Variants in DZANK1 observed in about 807,000 individuals in gnomAD.
DZANK1 encodes the protein double zinc ribbon and ankyrin repeat domains 1.
DZANK1 carries 91 observed loss-of-function variants against 94.5 expected under a neutral mutation model. That is an observed-to-expected ratio of 0.96 (90% confidence interval 0.81 to 1.15). The LOEUF is 1.15. Ranked by LOEUF, DZANK1 falls within the 50% of genes most tolerant of loss-of-function variation. The probability of loss-of-function intolerance (pLI) is 0.00; values close to 1 mark genes in which losing one functional copy is unlikely to be tolerated. For synonymous variants in DZANK1, 312 were observed against 325.3 expected, an observed-to-expected ratio of 0.96 and a Z score of 0.44; for missense variants, 903 against 916.4, an observed-to-expected ratio of 0.99 and a Z score of 0.19.
chr20:18,413,104 G>A (rs759432892), intron 12 of DZANK1: 82 of 549,620 alleles, frequency 1.5e-4, no homozygotes, highest in Non-Finnish European at 2.4e-4. Flanking sequence ...CGGCCTGCTT[G>A]ATGCCTGGAA....
At chr20:18,415,479 G>A in intron 10 of DZANK1, 30 bp from the exon 11 acceptor site, 1 of 1,451,064 alleles carries the variant, frequency 6.9e-7, no homozygotes, top group Non-Finnish European at 9.2e-7. Context: ...TTAAAGGCAG[G>A]ATCAGTACTA....
intron 10 of DZANK1, among the ~76,000 whole-genome samples, chr20:18,422,799 C>CTTTTT (rs55683540): frequency 0.26 from 32,403 of 124,318 alleles, 4,935 homozygotes; most frequent in South Asian, 0.36. Context: ...TGGCTTTGTT[C>CTTTTT]TTTTTTTTTT....
At chr20:18,466,261 G>A (rs1194826135) in intron 1 of DZANK1, among the ~76,000 whole-genome samples, 2 of 152,122 alleles carry the variant, frequency 1.3e-5, no homozygotes, top group African/African-American at 4.8e-5. Flanking sequence ...CATTCTCACT[G>A]TATTATTTAG....
At chr20:18,393,653 A>C (rs2056148738) in intron 17 of DZANK1, 58 bp downstream of exon 17, 1 of 1,186,318 alleles carries the variant, frequency 8.4e-7, no homozygotes, top group African/African-American at 1.5e-5. Context: ...GGTCAAAATA[A>C]AACCTGAAAA....
intron 7 of DZANK1, among the ~76,000 whole-genome samples, chr20:18,447,190 A>T (rs1421228666): frequency 6.6e-6 from 1 of 152,272 alleles, no homozygotes; most frequent in East Asian, 1.9e-4. Flanking sequence ...AATTTCCTCA[A>T]CTTGGCTGGG....
At chr20:18,415,448 G>A (rs868749596) in exon 11 of DZANK1, 14 of 1,504,370 alleles carry the variant, frequency 9.3e-6, no homozygotes, top group African/African-American at 1.4e-5. Context: ...ACTGCACATC[G>A]ACTGGTGAAT....
At chr20:18,394,670 G>T (rs1476912576) in intron 15 of DZANK1, 1 of 559,466 alleles carries the variant, frequency 1.8e-6, no homozygotes, top group East Asian at 4.5e-5. Flanking sequence ...GGCTGTCCCA[G>T]TCACCTTTAG....
chr20:18,396,534 T>C, exon 15 of DZANK1: 1 of 1,613,122 alleles, frequency 6.2e-7, no homozygotes, highest in Non-Finnish European at 8.5e-7. Flanking sequence ...TCGTGGACAG[T>C]AGCAGAGATA....
chr20:18,427,155 T>C, exon 10 of DZANK1: 1 of 1,612,260 alleles, frequency 6.2e-7, no homozygotes, highest in Non-Finnish European at 8.5e-7. Flanking sequence ...GCAAATTACC[T>C]TCTCCTTAAC....
rs150342741 is a variant in DZANK1 at position 18,455,428 on chromosome 20, A to C, written c.264-67T>G. The C allele has an allele frequency of 1.9e-3, 2,080 of 1,105,142 alleles. 2 individuals carry two copies. Among genetic ancestry groups the C allele is most frequent in the Non-Finnish European group, 2.4e-3 (1,811 of 761,928 alleles). The allele number at this position is 1,105,142 out of a possible 1,614,324, so 68.5% of individuals were successfully genotyped here. ...AAAGATTTTTTAAAAAGTGGCTAACAAGATGATTTTATTAAAGTGCCTTAG... is the reference window on the plus strand; with the variant it reads ...AAAGATTTTTTAAAAAGTGGCTAACCAGATGATTTTATTAAAGTGCCTTAG... On this transcript the variant is annotated intron_variant, in intron 3 of 20. Transcript: ENST00000262547.
intron 19 of DZANK1, among the ~76,000 whole-genome samples, chr20:18,385,735 T>TCC: frequency 1.3e-5 from 2 of 152,176 alleles, no homozygotes; most frequent in African/African-American, 4.8e-5. Flanking sequence ...CGATAGTAGC[T>TCC]TCTCAGGGCT....
At chr20:18,405,925 G>A (rs947495478) in intron 13 of DZANK1, among the ~76,000 whole-genome samples, 2 of 152,212 alleles carry the variant, frequency 1.3e-5, no homozygotes, top group African/African-American at 4.8e-5. Flanking sequence ...CACTGAACTC[G>A]GTACTGCCCT....
At chr20:18,433,905 G>T (rs1370957292) in intron 8 of DZANK1, 140 bp from the exon 9 acceptor site, 1 of 663,114 alleles carries the variant, frequency 1.5e-6, no homozygotes, top group East Asian at 2.8e-5. Context: ...AGGCAGGTCG[G>T]GCTTGGTTAG....
intron 7 of DZANK1, among the ~76,000 whole-genome samples, chr20:18,447,244 G>A (rs539387480): frequency 6.6e-6 from 1 of 152,194 alleles, no homozygotes; most frequent in South Asian, 2.1e-4. Flanking sequence ...GGGAGGTTGA[G>A]GGGAGCAGAT....
intron 13 of DZANK1, among the ~76,000 whole-genome samples, chr20:18,406,006 C>T (rs571459379): frequency 2.0e-5 from 3 of 152,328 alleles, no homozygotes; most frequent in South Asian, 2.1e-4. Flanking sequence ...TTGGACCAAC[C>T]GTAGCCAGAG....
chr20:18,393,211 A>G (rs1197128842), intron 17 of DZANK1, among the ~76,000 whole-genome samples: 1 of 152,106 alleles, frequency 6.6e-6, no homozygotes, highest in Admixed American at 6.5e-5. Context: ...TTCACACACC[A>G]ACACCCTCAC....
chr20:18,400,682 C>T (rs565081089), intron 13 of DZANK1, among the ~76,000 whole-genome samples: 20 of 152,226 alleles, frequency 1.3e-4, no homozygotes, highest in South Asian at 4.2e-4. Context: ...TATGAGTAAT[C>T]GAGACAACAC....
At chr20:18,438,791 G>A (rs1043978669) in intron 8 of DZANK1, among the ~76,000 whole-genome samples, 1 of 152,232 alleles carries the variant, frequency 6.6e-6, no homozygotes, top group African/African-American at 2.4e-5. Flanking sequence ...AGTATCAGGT[G>A]AGGGCTTGCC....
At chr20:18,396,432 G>A (rs750905030) in intron 15 of DZANK1, 40 bp downstream of exon 15, 8 of 1,468,176 alleles carry the variant, frequency 5.4e-6, no homozygotes, top group African/African-American at 1.4e-5. Context: ...TTTACTAATC[G>A]GTCAGTTCTC....
Sources: allele counts gnomAD v4.1 joint callset (sites outside exome capture counted in the v4.1 genomes callset), GRCh38; gene constraint gnomAD v4.1.1; transcripts MANE v1.5; gene names NCBI Gene and HGNC (gene_info 2026-07-23, HGNC 2026-07-21).